PPM1L: variants seen among roughly 807,000 people sequenced by gnomAD.
PPM1L encodes the protein protein phosphatase 1L.
In PPM1L, 13 loss-of-function variants were observed where a neutral mutation model predicts 31.4. The ratio of observed to expected loss-of-function variants is 0.41; its 90% CI spans 0.27 to 0.66. The LOEUF is 0.66. PPM1L is among the 30% of genes least tolerant of loss of function. The pLI, the probability that PPM1L is intolerant of heterozygous loss-of-function variation, is 0.29. For synonymous variants in PPM1L, 184 were observed against 175.4 expected (o/e 1.05, Z -0.39); for missense variants, 326 against 453.7 (o/e 0.72, Z 2.56).
chr3:160,801,084 A>G (rs188487562), intron 1 of PPM1L, among the ~76,000 whole-genome samples: 21 of 151,804 alleles, frequency 1.4e-4, no homozygotes, highest in Non-Finnish European at 2.6e-4. Context: ...AAATAGGTCT[A>G]TTTTTCAACA....
intron 2 of PPM1L, among the ~76,000 whole-genome samples, chr3:160,968,337 C>T (rs1716220548): frequency 6.6e-6 from 1 of 152,108 alleles, no homozygotes; most frequent in South Asian, 2.1e-4. Flanking sequence ...TCGTACACTT[C>T]AGTAGATTGG....
chr3:160,829,039 C>G (rs1339329295), intron 1 of PPM1L, among the ~76,000 whole-genome samples: 1 of 151,920 alleles, frequency 6.6e-6, no homozygotes, highest in Non-Finnish European at 1.5e-5. Context: ...AAGGAAATCA[C>G]ACAGTGAGAA....
intron 2 of PPM1L, among the ~76,000 whole-genome samples, chr3:160,974,451 A>T (rs1285408266): frequency 2.0e-5 from 3 of 150,948 alleles, no homozygotes; most frequent in East Asian, 2.0e-4. Flanking sequence ...CGCCACACTG[A>T]CTTCCACAAT....
chr3:161,023,351 A>T (rs370717479), intron 2 of PPM1L, among the ~76,000 whole-genome samples: 3 of 151,970 alleles, frequency 2.0e-5, no homozygotes, highest in African/African-American at 7.2e-5. Flanking sequence ...TCCTTTAGGG[A>T]ATCCTATATA....
rs548641304 is a variant in PPM1L, at chr3:160,897,288, G to A, written c.400-64448G>A. On this transcript the variant is annotated intron_variant, in intron 1 of 3. Coordinates refer to ENST00000498165, the MANE Select transcript of PPM1L (RefSeq NM_139245.4). Reference sequence around the variant, plus strand: ...GATCTCTTGACCTCGTGATCCACCCGACTTGGCCTCCCAAAGTGCTGGGAT... The same window carrying A: ...GATCTCTTGACCTCGTGATCCACCCAACTTGGCCTCCCAAAGTGCTGGGAT... Among the ~76,000 whole-genome samples the A allele has an allele frequency of 2.6e-4, 40 of 152,028 alleles. No individual in the cohort carries two copies. In the South Asian group the frequency reaches 3.7e-3, roughly 14 times the overall value.
At chr3:160,764,520 G>T (rs890696999) in intron 1 of PPM1L, among the ~76,000 whole-genome samples, 6 of 150,110 alleles carry the variant, frequency 4.0e-5, no homozygotes, top group Non-Finnish European at 5.9e-5. Flanking sequence ...AGGCTGGAGT[G>T]CAATGGCACG....
At chr3:160,896,812 C>T (rs1713349260) in intron 1 of PPM1L, among the ~76,000 whole-genome samples, 2 of 152,100 alleles carry the variant, frequency 1.3e-5, no homozygotes, top group Admixed American at 6.6e-5. Context: ...GAATCACTTC[C>T]TTATGATTTT....
Position 161,058,118 on chromosome 3 carries a change from C to CTTTTTTTTTTTTTTTTTTTTTTTTTTT in PPM1L, c.575-7261_575-7260insTTTTTTTTTTTTTTTTTTTTTTTTTTT. On this transcript the variant is annotated intron_variant, in intron 2 of 3. Transcript: ENST00000498165. ...TTAGTAGGGTCCATCATTTTCTTTC[C>CTTTTTTTTTTTTTTTTTTTTTTTTTTT]TTTTTTTTTTTTTTTTTTTTTTTTG... 5.3e-4 allele frequency among the ~76,000 whole-genome samples: 29 copies of CTTTTTTTTTTTTTTTTTTTTTTTTTTT among 54,926 alleles called. 6 individuals are homozygous for CTTTTTTTTTTTTTTTTTTTTTTTTTTT. Among genetic ancestry groups the CTTTTTTTTTTTTTTTTTTTTTTTTTTT allele is most frequent in the Non-Finnish European group, 7.8e-4 (22 of 28,192 alleles). The allele number at this position is 54,926 out of a possible 152,430, so 36.0% of individuals were successfully genotyped here. A position where few individuals can be genotyped will look rare whatever the true frequency, so the allele number is the denominator to read the frequency against.
In PPM1L at chr3:160,910,876, G is replaced by A. The variant is rs181334361; in HGVS notation, c.400-50860G>A. 2.2e-3 allele frequency among the ~76,000 whole-genome samples: 339 copies of A among 152,246 alleles called. 1 individual carries two copies. Among genetic ancestry groups the A allele is most frequent in the African/African-American group, 7.7e-3 (319 of 41,550 alleles). ...AGGTAATCAAGATGATATGCACCAT[G>A]GTAAACAATTTCTTTGGAAATCCAA... On this transcript the variant is annotated intron_variant, in intron 1 of 3. Coordinates refer to ENST00000498165, the MANE Select transcript of PPM1L (RefSeq NM_139245.4).
At chr3:160,767,778 T>C (rs1006981797) in intron 1 of PPM1L, among the ~76,000 whole-genome samples, 1 of 152,254 alleles carries the variant, frequency 6.6e-6, no homozygotes, top group Non-Finnish European at 1.5e-5. Context: ...AAGTTTTTAA[T>C]CTAAAATATG....
chr3:160,944,821 T>TTA (rs748339671), intron 1 of PPM1L, among the ~76,000 whole-genome samples: 32 of 54,802 alleles, frequency 5.8e-4, no homozygotes, highest in African/African-American at 1.8e-3. Context: ...CATATATATG[T>TTA]TATATATAAC....
intron 2 of PPM1L, among the ~76,000 whole-genome samples, chr3:161,053,978 G>A (rs905600012): frequency 7.2e-5 from 11 of 152,182 alleles, no homozygotes; most frequent in Admixed American, 2.6e-4. Flanking sequence ...CTCATAAAAT[G>A]TCATTCCTGC....
At chr3:160,786,151 C>CTGTGTGTGTGTGTGTGTGTG (rs1318787874) in intron 1 of PPM1L, among the ~76,000 whole-genome samples, 1 of 85,694 alleles carries the variant, frequency 1.2e-5, no homozygotes, top group Non-Finnish European at 2.0e-5. Context: ...CTCTCTCTCT[C>CTGTGTGTGTGTGTGTGTGTG]TCTCTCTGTG....
chr3:160,988,183 T>C (rs1358387083), intron 2 of PPM1L, among the ~76,000 whole-genome samples: 5 of 152,174 alleles, frequency 3.3e-5, no homozygotes, highest in African/African-American at 1.2e-4. Context: ...CTTGTCAACT[T>C]GTAGAAACAC....
chr3:161,030,895 C>T (rs1352841932), intron 2 of PPM1L, among the ~76,000 whole-genome samples: 4 of 152,060 alleles, frequency 2.6e-5, no homozygotes, highest in Non-Finnish European at 5.9e-5. Flanking sequence ...TATACTCCAC[C>T]AGACCTTAGG....
intron 1 of PPM1L, among the ~76,000 whole-genome samples, chr3:160,956,331 T>C (rs1468763145): frequency 6.6e-6 from 1 of 152,234 alleles, no homozygotes; most frequent in Non-Finnish European, 1.5e-5. Context: ...TTACTCTAGC[T>C]GTTGCCGAAG....
At chr3:160,844,459 A>T (rs1023319539) in intron 1 of PPM1L, among the ~76,000 whole-genome samples, 2 of 152,202 alleles carry the variant, frequency 1.3e-5, no homozygotes, top group African/African-American at 4.8e-5. Context: ...TAGAGATATT[A>T]TGAAGGTAAA....
chr3:161,017,175 G>T (rs1718110925), intron 2 of PPM1L, among the ~76,000 whole-genome samples: 2 of 152,054 alleles, frequency 1.3e-5, no homozygotes, highest in Non-Finnish European at 2.9e-5. Context: ...AGTGGGGTGT[G>T]TCTCCAGTTA....
intron 1 of PPM1L, among the ~76,000 whole-genome samples, chr3:160,800,091 A>G (rs573623827): frequency 6.6e-6 from 1 of 152,300 alleles, no homozygotes; most frequent in African/African-American, 2.4e-5. Context: ...GTTTTTCAAG[A>G]AAAAAAGTGC....
Sources: gnomAD v4.1 joint callset for allele counts (sites outside exome capture counted in the v4.1 genomes callset) on GRCh38, gnomAD v4.1.1 for gene constraint, MANE v1.5 for transcripts, NCBI Gene and HGNC (gene_info 2026-07-23, HGNC 2026-07-21) for gene names.